Variants in ZNF573 observed in about 807,000 individuals in gnomAD.
ZNF573 encodes zinc finger protein 573.
Under a neutral mutation model 57.4 loss-of-function variants are expected in ZNF573, and 41 were observed. The ratio of observed to expected loss-of-function variants is 0.71; its 90% CI spans 0.56 to 0.93. The LOEUF is 0.93. Ranked by LOEUF, ZNF573 falls within the 40% of genes least tolerant of loss-of-function variation. The pLI is 0.00. For synonymous variants in ZNF573, 249 were observed against 261.0 expected (o/e 0.95, Z 0.44); for missense variants, 730 against 794.8 (o/e 0.92, Z 0.98).
chr19:37,760,457 A>T (rs933060536), intron 4 of ZNF573, among the ~76,000 whole-genome samples: 3 of 152,228 alleles, frequency 2.0e-5, no homozygotes, highest in Admixed American at 1.3e-4. Context: ...TAAAATAAAC[A>T]TCTATGAGTC....
Position 37,739,325 on chromosome 19 carries a change from T to C in ZNF573, c.1165A>G (p.Lys389Glu). The C allele has an allele frequency of 6.2e-7, 1 of 1,613,606 alleles. No homozygotes were observed. The highest frequency in any genetic ancestry group is 8.5e-7 in the Non-Finnish European group (1 of 1,179,694). ...GTAGTATAGGTCTTCCCACATTGCT[T>C]GCATTCAAAAAGTTTCTCACCAGTA... is the stretch of plus-strand genomic sequence containing the variant. ...IHTGEKLFECKQCGKTYTTGS... is the reference protein window; with the variant it reads ...IHTGEKLFECEQCGKTYTTGS... The change falls in exon 5 of 5, where the codon AAG (lysine) becomes GAG (glutamate). Residue 389 changes from lysine (K) to glutamate (E), a missense_variant. Lys to Glu is a moderately conservative substitution (Grantham distance 56). Transcript: ENST00000536220.
chr19:37,738,363 T>C lies in ZNF573; in HGVS notation c.*129A>G. 1 of 971,262 alleles carries C rather than the reference T, an allele frequency of 1.0e-6. No homozygotes were observed. Among genetic ancestry groups the C allele is most frequent in the East Asian group, 2.8e-5 (1 of 36,054 alleles). The allele number at this position is 971,262 out of a possible 1,614,324, so 60.2% of individuals were successfully genotyped here. A position where few individuals can be genotyped will look rare whatever the true frequency, so the allele number is the denominator to read the frequency against. On this transcript the variant is annotated 3_prime_UTR_variant, in exon 5 of 5. Coordinates refer to ENST00000536220, the MANE Select transcript of ZNF573 (RefSeq NM_001172690.2). ...AACAGGACTGACATTGAATGCTTTCTAATGTGGCAAGATCTGCATTTTGAA... is the reference window on the plus strand; with the variant it reads ...AACAGGACTGACATTGAATGCTTTCCAATGTGGCAAGATCTGCATTTTGAA...
intron 4 of ZNF573, among the ~76,000 whole-genome samples, chr19:37,757,558 A>G (rs2045501394): frequency 6.6e-6 from 1 of 152,126 alleles, no homozygotes; most frequent in Admixed American, 6.6e-5. Flanking sequence ...CTGTTTTGCA[A>G]AACCTGCCTT....
At chr19:37,768,284 C>T (rs1473970509) in intron 4 of ZNF573, among the ~76,000 whole-genome samples, 1 of 152,116 alleles carries the variant, frequency 6.6e-6, no homozygotes, top group African/African-American at 2.4e-5. Context: ...TCAAATTCAA[C>T]AATACCTCAT....
intron 4 of ZNF573, among the ~76,000 whole-genome samples, chr19:37,769,111 C>T (rs1342399558): frequency 2.0e-5 from 3 of 151,822 alleles, no homozygotes; most frequent in African/African-American, 7.3e-5. Flanking sequence ...ATTACAGGCA[C>T]CTGCCACCAT....
At chr19:37,748,638 C>G (rs2045404269) in intron 4 of ZNF573, among the ~76,000 whole-genome samples, 1 of 151,896 alleles carries the variant, frequency 6.6e-6, no homozygotes, top group African/African-American at 2.4e-5. Context: ...AGATAAAAAG[C>G]CTAAGACCTG....
intron 4 of ZNF573, among the ~76,000 whole-genome samples, chr19:37,769,746 A>AAG (rs2045637354): frequency 6.6e-6 from 1 of 151,082 alleles, no homozygotes. Context: ...AAAAAAAAAA[A>AAG]AAAAGAAAAG....
intron 4 of ZNF573, among the ~76,000 whole-genome samples, chr19:37,766,802 G>C (rs1285697368): frequency 6.6e-6 from 1 of 152,144 alleles, no homozygotes; most frequent in Non-Finnish European, 1.5e-5. Flanking sequence ...ATACTGCCCA[G>C]GAAGTTGTCT....
At chr19:37,777,028 A>C (rs765756343) in intron 1 of ZNF573, among the ~76,000 whole-genome samples, 2 of 152,250 alleles carry the variant, frequency 1.3e-5, no homozygotes, top group Admixed American at 6.5e-5. Flanking sequence ...ACACTTCTAC[A>C]CTACTGGTGG....
At chr19:37,777,313 C>A (rs1214444589) in intron 1 of ZNF573, among the ~76,000 whole-genome samples, 1 of 152,014 alleles carries the variant, frequency 6.6e-6, no homozygotes, top group Non-Finnish European at 1.5e-5. Context: ...TGCACCCAGA[C>A]AGAAGTAATT....
At chr19:37,756,468 A>T (rs2045488841) in intron 4 of ZNF573, among the ~76,000 whole-genome samples, 1 of 152,170 alleles carries the variant, frequency 6.6e-6, no homozygotes, top group Non-Finnish European at 1.5e-5. Context: ...TTTAGATGCA[A>T]TGCTGGTCTA....
In ZNF573 at chr19:37,740,102, T is replaced by C. The variant is rs201841221; in HGVS notation, c.388A>G (p.Arg130Gly). ...TTCTTACATTCATAGAGTTTCTCTC[T>C]CTTATATATGCTCTGAAGTTGTGTA... ...SSTQLQSIYK[R>G]EKLYECKKCQ... Residue 130 changes from arginine (R) to glycine (G), a missense_variant, in exon 5 of 5, where the codon AGA becomes GGA. Physicochemically the swap from Arg to Gly is moderately radical, Grantham distance 125. Coordinates refer to ENST00000536220, the MANE Select transcript of ZNF573 (RefSeq NM_001172690.2). 119 of 1,613,896 alleles carry C rather than the reference T, an allele frequency of 7.4e-5. No homozygotes were observed. Among genetic ancestry groups the C allele is most frequent in the Non-Finnish European group, 1.9e-5 (23 of 1,179,932 alleles).
intron 4 of ZNF573, among the ~76,000 whole-genome samples, chr19:37,744,313 T>C (rs2045357092): frequency 6.6e-6 from 1 of 151,698 alleles, no homozygotes; most frequent in South Asian, 2.1e-4. Context: ...CTGGGCTGAG[T>C]GTTCCTGCTC....
In ZNF573 at chr19:37,739,159, C is replaced by T. The variant is rs755701654; in HGVS notation, c.1331G>A (p.Cys444Tyr). 64 of 1,613,256 alleles carry T rather than the reference C, an allele frequency of 4.0e-5. 1 individual carries two copies. In the South Asian group the frequency reaches 4.6e-4, roughly 12 times the overall value. ...AGTAAAGGTTTTTTTACACTCCTTACATTCAAAGTGTTTCATGCCAGTATG... is the reference window on the plus strand; with the variant it reads ...AGTAAAGGTTTTTTTACACTCCTTATATTCAAAGTGTTTCATGCCAGTATG... ...KIHTGMKHFECKECKKTFTLY... is the reference protein window; with the variant it reads ...KIHTGMKHFEYKECKKTFTLY... The change falls in exon 5 of 5, where the codon TGT (cysteine) becomes TAT (tyrosine). Residue 444 changes from cysteine (C) to tyrosine (Y), a missense_variant. By Grantham distance (194) the Cys-to-Tyr change is radical. Transcript: ENST00000536220.
chr19:37,776,835 G>A (rs771645673), intron 1 of ZNF573, among the ~76,000 whole-genome samples: 4 of 152,092 alleles, frequency 2.6e-5, no homozygotes, highest in African/African-American at 4.8e-5. Flanking sequence ...GATATGAATA[G>A]ACAATTCTCA....
intron 4 of ZNF573, among the ~76,000 whole-genome samples, chr19:37,766,978 T>C (rs1463339476): frequency 6.6e-6 from 1 of 152,214 alleles, no homozygotes; most frequent in African/African-American, 2.4e-5. Flanking sequence ...ATTTATACTA[T>C]AACTTTAAAG....
At chr19:37,742,935 A>G (rs1011057710) in intron 4 of ZNF573, among the ~76,000 whole-genome samples, 51 of 152,362 alleles carry the variant, frequency 3.3e-4, no homozygotes, top group African/African-American at 1.2e-3. Context: ...AAGGTCTAAC[A>G]TCCAGAATTT....
At position 37,739,798 on chromosome 19, in the gene ZNF573, G is replaced by A. The variant is rs762749638; in HGVS notation, c.692C>T (p.Ser231Leu). Residue 231 changes from serine (S) to leucine (L), a missense_variant, in exon 5 of 5, where the codon TCA becomes TTA. Coordinates refer to ENST00000536220, the MANE Select transcript of ZNF573 (RefSeq NM_001172690.2). ...RQCGKAFIYASHIVQHERIHT... is the reference protein window; with the variant it reads ...RQCGKAFIYALHIVQHERIHT... Reference sequence around the variant, plus strand: ...AATTCTCTCATGTTGAACAATGTGTGAGGCATATATAAAGGCCTTCCCACA... The same window carrying A: ...AATTCTCTCATGTTGAACAATGTGTAAGGCATATATAAAGGCCTTCCCACA... 3 of 1,613,750 alleles carry A rather than the reference G, an allele frequency of 1.9e-6. No individual in the cohort carries two copies. The highest frequency in any genetic ancestry group is 2.5e-6 in the Non-Finnish European group (3 of 1,179,758).
chr19:37,770,143 G>A, intron 3 of ZNF573, 46 bp from the exon 4 acceptor site: 1 of 1,413,538 alleles, frequency 7.1e-7, no homozygotes, highest in Non-Finnish European at 9.6e-7. Flanking sequence ...AAAAACAAAA[G>A]TAACAGAAAC....
Sources: gnomAD v4.1 joint callset for allele counts (sites outside exome capture counted in the v4.1 genomes callset) on GRCh38, gnomAD v4.1.1 for gene constraint, MANE v1.5 for transcripts, NCBI Gene and HGNC (gene_info 2026-07-23, HGNC 2026-07-21) for gene names.